ZXDC: variants seen among roughly 807,000 people sequenced by gnomAD.
The protein encoded by ZXDC is zinc finger protein ZXDC.
ZXDC carries 58 observed loss-of-function variants against 63.6 expected under a neutral mutation model. The ratio of observed to expected loss-of-function variants is 0.91; its 90% CI spans 0.74 to 1.13. The LOEUF is 1.13. Among genes scored for constraint, ZXDC ranks in the 50% most tolerant of loss-of-function variants. The pLI is 0.00. For missense variants in ZXDC, 1,133 were observed against 1,148.9 expected (o/e 0.99, Z 0.20); for synonymous variants, 561 against 496.1 (o/e 1.13, Z -1.74).
At chr3:126,449,874 A>C (rs1934030781) in intron 7 of ZXDC, among the ~76,000 whole-genome samples, 1 of 152,240 alleles carries the variant, frequency 6.6e-6, no homozygotes, top group Non-Finnish European at 1.5e-5. Context: ...AGTAAGAAAC[A>C]AGAAAGGCGT....
At chr3:126,459,585 T>G in intron 7 of ZXDC, 68 bp downstream of exon 7, 1 of 1,607,660 alleles carries the variant, frequency 6.2e-7, no homozygotes, top group Non-Finnish European at 8.5e-7. Context: ...CTGTGTTTCT[T>G]CTGCCAGTAA....
rs913979922 is a variant in ZXDC at position 126,471,042 on chromosome 3, T to C, written c.1140-17A>G. The C allele has an allele frequency of 9.3e-6, 15 of 1,611,456 alleles. No individual in the cohort carries two copies. The highest frequency in any genetic ancestry group is 1.3e-5 in the Non-Finnish European group (15 of 1,178,082). ...TCATGTTTCCTGCCAGACAGAAAAA[T>C]AAAGGAGCTGTGATTCCTCACACAA... On this transcript the variant is annotated splice_polypyrimidine_tract_variant and intron_variant, in intron 3 of 9. Coordinates refer to ENST00000389709, the MANE Select transcript of ZXDC (RefSeq NM_025112.5).
chr3:126,438,592 TC>T (rs1399966077), intron 9 of ZXDC, 131 bp from the exon 10 acceptor site: 8 of 705,110 alleles, frequency 1.1e-5, no homozygotes, highest in Non-Finnish European at 1.9e-5. Flanking sequence ...AACTACAGGC[TC>T]CCCTTATTCT....
intron 5 of ZXDC, among the ~76,000 whole-genome samples, chr3:126,465,307 T>A (rs1934713637): frequency 6.6e-6 from 1 of 152,250 alleles, no homozygotes; most frequent in Non-Finnish European, 1.5e-5. Flanking sequence ...CACTTCTGTA[T>A]CCTGGACTGT....
chr3:126,475,556 G>T lies in ZXDC; in HGVS notation c.310C>A (p.Leu104Met), dbSNP rs779042122. ...GGGCCCTGCTCGGGGCGGCTCGCCA[G>T]GTTGACACGGGAGCCAGGCTCGGCC... is the stretch of plus-strand genomic sequence containing the variant. ...QEAEPGSRVN[L>M]ASRPEQGPSG... Residue 104 changes from leucine (L) to methionine (M), a missense_variant, in exon 1 of 10, where the codon CTG becomes ATG. Leu to Met is a conservative substitution (Grantham distance 15). Coordinates refer to ENST00000389709, the MANE Select transcript of ZXDC (RefSeq NM_025112.5). 1.4e-6 allele frequency: 2 copies of T among 1,403,534 alleles called. No individual in the cohort carries two copies. Among genetic ancestry groups the T allele is most frequent in the Non-Finnish European group, 1.9e-6 (2 of 1,075,822 alleles). 86.9% of individuals were successfully genotyped at this position (1,403,534 alleles called of 1,614,324 possible).
At chr3:126,455,799 C>T (rs1215536333) in intron 7 of ZXDC, among the ~76,000 whole-genome samples, 3 of 151,844 alleles carry the variant, frequency 2.0e-5, no homozygotes, top group African/African-American at 7.3e-5. Flanking sequence ...AGATGGAGAC[C>T]ATCCTGGCTA....
chr3:126,451,166 T>C (rs1934086696), intron 7 of ZXDC: 2 of 985,300 alleles, frequency 2.0e-6, no homozygotes, highest in Non-Finnish European at 2.4e-6. Context: ...ACAAAGTATT[T>C]TCCAATAGAA....
intron 7 of ZXDC, among the ~76,000 whole-genome samples, chr3:126,448,721 G>GT (rs1368956677): frequency 6.6e-6 from 1 of 152,228 alleles, no homozygotes; most frequent in East Asian, 1.9e-4. Context: ...CTACAGCAGG[G>GT]GCCACCCAGG....
At chr3:126,473,873 G>C (rs1935074707) in intron 1 of ZXDC, among the ~76,000 whole-genome samples, 1 of 152,028 alleles carries the variant, frequency 6.6e-6, no homozygotes, top group Non-Finnish European at 1.5e-5. Flanking sequence ...ATCCCCACCT[G>C]GGCTCTGCCA....
chr3:126,440,162 A>G (rs1305845821), intron 8 of ZXDC: 9 of 1,007,982 alleles, frequency 8.9e-6, no homozygotes, highest in Non-Finnish European at 2.4e-6. Context: ...GGCCAGCTGG[A>G]AGGACCAGGG....
At chr3:126,451,255 T>A in intron 7 of ZXDC, 1 of 985,432 alleles carries the variant, frequency 1.0e-6, no homozygotes, top group Middle Eastern at 5.2e-4. Context: ...ATATGTGTAC[T>A]ACTGCTTGTT....
At chr3:126,448,037 T>A (rs987579015) in intron 7 of ZXDC, among the ~76,000 whole-genome samples, 2 of 152,280 alleles carry the variant, frequency 1.3e-5, no homozygotes, top group East Asian at 1.9e-4. Flanking sequence ...TCTTCCTGCC[T>A]CAGCTTTCTC....
Position 126,475,504 on chromosome 3 carries a change from G to A in ZXDC, c.362C>T (p.Pro121Leu), listed in dbSNP as rs779016844. 4 of 1,240,690 alleles carry A rather than the reference G, an allele frequency of 3.2e-6. No homozygotes were observed. The highest frequency in any genetic ancestry group is 6.8e-5 in the East Asian group (2 of 29,398). The allele number at this position is 1,240,690 out of a possible 1,614,324, so 76.9% of individuals were successfully genotyped here. ...GACGGCGCCCGCCGGGGCTACGCCA[G>A]GGCCGGGGGGGGCGGCCGGGCCGCT... ...GPSGPAAPPG[P>L]GVAPAGAVTI... is the part of the protein sequence containing the mutation. The change falls in exon 1 of 10, where the codon CCT becomes CTT. Residue 121 changes from proline to leucine, a missense_variant. Coordinates refer to ENST00000389709, the MANE Select transcript of ZXDC (RefSeq NM_025112.5).
At chr3:126,469,414 A>G (rs1934893891) in intron 4 of ZXDC, among the ~76,000 whole-genome samples, 2 of 152,122 alleles carry the variant, frequency 1.3e-5, no homozygotes, top group South Asian at 4.1e-4. Context: ...CTCCAAATCC[A>G]CTCAGCTGAC....
intron 7 of ZXDC, chr3:126,458,828 A>G: frequency 1.0e-6 from 1 of 985,428 alleles, no homozygotes; most frequent in Non-Finnish European, 1.2e-6. Context: ...TGAACTGTTG[A>G]GGTGTCCCTT....
chr3:126,448,705 G>A (rs1933975456), intron 7 of ZXDC, among the ~76,000 whole-genome samples: 1 of 152,214 alleles, frequency 6.6e-6, no homozygotes, highest in Non-Finnish European at 1.5e-5. Flanking sequence ...ACAGCGTATA[G>A]CAGAACTACA....
intron 7 of ZXDC, among the ~76,000 whole-genome samples, chr3:126,452,744 CTTT>C (rs34131353): frequency 4.2e-5 from 6 of 143,210 alleles, no homozygotes; most frequent in African/African-American, 7.7e-5. Flanking sequence ...TGCAGTTTTT[CTTT>C]TTTTTTTTTT....
rs114151938 is a variant in ZXDC at position 126,457,490 on chromosome 3, C to T, written c.2212+2163G>A. On this transcript the variant is annotated intron_variant, in intron 7 of 9. Coordinates refer to ENST00000389709, the MANE Select transcript of ZXDC (RefSeq NM_025112.5). Reference sequence around the variant, plus strand: ...GGCACTGACAGCAGCCTCACCCTCACGAGGACATTCTCCTGCTGCACTCAC... The same window carrying T: ...GGCACTGACAGCAGCCTCACCCTCATGAGGACATTCTCCTGCTGCACTCAC... 6.6e-4 allele frequency: 655 copies of T among 985,420 alleles called. 2 individuals are homozygous for T. In the African/African-American group the frequency reaches 0.01, roughly 15 times the overall value. 61.0% of individuals were successfully genotyped at this position (985,420 alleles called of 1,614,324 possible).
intron 7 of ZXDC, among the ~76,000 whole-genome samples, chr3:126,456,170 G>A (rs1934300230): frequency 6.6e-6 from 1 of 152,256 alleles, no homozygotes; most frequent in Admixed American, 6.5e-5. Flanking sequence ...AGTGTTACAT[G>A]AGAGGAAAGC....
Sources: allele counts gnomAD v4.1 joint callset (sites outside exome capture counted in the v4.1 genomes callset), GRCh38; gene constraint gnomAD v4.1.1; transcripts MANE v1.5; gene names NCBI Gene and HGNC (gene_info 2026-07-23, HGNC 2026-07-21).